TBC1D22A: variants seen among roughly 807,000 people sequenced by gnomAD.
TBC1D22A encodes the protein putative GTPase activator.
TBC1D22A carries 38 observed loss-of-function variants against 60.2 expected under a neutral mutation model. The observed-to-expected ratio is 0.63, with a 90% CI of 0.49 to 0.83. TBC1D22A has a LOEUF of 0.83. Ranked by LOEUF, TBC1D22A falls within the 40% of genes least tolerant of loss-of-function variation. TBC1D22A has a pLI of 0.00. For synonymous variants in TBC1D22A, 302 were observed against 281.7 expected (o/e 1.07, Z -0.72); for missense variants, 628 against 701.0 (o/e 0.90, Z 1.18).
chr22:47,072,640 C>T (rs2064046170), intron 11 of TBC1D22A, among the ~76,000 whole-genome samples: 1 of 152,254 alleles, frequency 6.6e-6, no homozygotes, highest in Non-Finnish European at 1.5e-5. Flanking sequence ...CATCCCACAC[C>T]CTGTGCAGGG....
At chr22:46,952,526 G>A (rs776198791) in intron 8 of TBC1D22A, among the ~76,000 whole-genome samples, 1 of 152,088 alleles carries the variant, frequency 6.6e-6, no homozygotes, top group East Asian at 1.9e-4. Context: ...ATCAGTTTTG[G>A]GTGTGGGTGT....
rs1255209790 is a variant in TBC1D22A at position 47,160,614 on chromosome 22, A to G, written c.1426-12884A>G. Among the ~76,000 whole-genome samples, 4 of 152,234 alleles carry G rather than the reference A, an allele frequency of 2.6e-5. No individual in the cohort carries two copies. In the East Asian group the frequency reaches 7.7e-4, roughly 29 times the overall value. On this transcript the variant is annotated intron_variant, in intron 12 of 12. Transcript: ENST00000337137. ...GACCACATGCTGGATTGAATATGAAAGTACAGGGGTCTTCGCTGGAGCCGT... is the reference window on the plus strand; with the variant it reads ...GACCACATGCTGGATTGAATATGAAGGTACAGGGGTCTTCGCTGGAGCCGT...
chr22:47,039,911 A>G (rs896490312), intron 11 of TBC1D22A, among the ~76,000 whole-genome samples: 1 of 143,914 alleles, frequency 6.9e-6, no homozygotes, highest in Non-Finnish European at 1.5e-5. Context: ...GAGCAGGAGC[A>G]AGGCGTCGGG....
rs368427144 is a variant in TBC1D22A, at chr22:46,905,594, C to T, written c.901-6480C>T. On this transcript the variant is annotated intron_variant, in intron 7 of 12. Transcript: ENST00000337137. ...GGAAGAGAAGCCTGCGGTCGGTTGG[C>T]GGGTGGGGGACAGGCGGGGCCTCTG... 5.6e-4 allele frequency among the ~76,000 whole-genome samples: 85 copies of T among 152,258 alleles called. 2 individuals are homozygous for T. In the South Asian group the frequency reaches 0.016, roughly 28 times the overall value.
intron 9 of TBC1D22A, among the ~76,000 whole-genome samples, chr22:46,974,824 G>A (rs2148132758): frequency 6.6e-6 from 1 of 152,368 alleles, no homozygotes; most frequent in South Asian, 2.1e-4. Flanking sequence ...TGCAGTATTG[G>A]TGGCCAGGGC....
rs138005894 is a variant in TBC1D22A at position 46,857,919 on chromosome 22, T to C, written c.638-20734T>C. On this transcript the variant is annotated intron_variant, in intron 4 of 12. Coordinates refer to ENST00000337137, the MANE Select transcript of TBC1D22A (RefSeq NM_014346.5). ...GGGTGTTTCCACTTTTTGACAGTTA[T>C]GCAGACTGCTGCTATGGACATTCAT... Among the ~76,000 whole-genome samples the C allele has an allele frequency of 7.4e-4, 113 of 152,344 alleles. 4 individuals are homozygous for C. In the East Asian group the frequency reaches 0.019, roughly 25 times the overall value.
intron 4 of TBC1D22A, among the ~76,000 whole-genome samples, chr22:46,854,755 C>T (rs1292177178): frequency 1.3e-5 from 2 of 152,148 alleles, no homozygotes; most frequent in South Asian, 2.1e-4. Context: ...TTGACCTCTG[C>T]TTTTACAGCT....
intron 4 of TBC1D22A, among the ~76,000 whole-genome samples, chr22:46,866,671 C>A (rs1365248122): frequency 6.6e-6 from 1 of 152,214 alleles, no homozygotes; most frequent in East Asian, 1.9e-4. Context: ...AAGCTGATGC[C>A]TGAACAAGTC....
At chr22:47,022,929 TA>T (rs1229005471) in intron 10 of TBC1D22A, among the ~76,000 whole-genome samples, 2 of 152,086 alleles carry the variant, frequency 1.3e-5, no homozygotes, top group Admixed American at 1.3e-4. Flanking sequence ...TTTATAGGAA[TA>T]AAAAAATATC....
At chr22:46,931,581 G>A (rs1447839058) in intron 8 of TBC1D22A, among the ~76,000 whole-genome samples, 6 of 152,338 alleles carry the variant, frequency 3.9e-5, no homozygotes, top group South Asian at 2.1e-4. Flanking sequence ...GTCGGCCACA[G>A]CCAGCAGAGG....
chr22:46,868,327 C>T (rs544120131), intron 4 of TBC1D22A, among the ~76,000 whole-genome samples: 6 of 152,162 alleles, frequency 3.9e-5, no homozygotes, highest in South Asian at 2.1e-4. Context: ...TTTTGTTTCA[C>T]GGGCAAAATT....
chr22:46,861,077 C>T (rs1387316673), intron 4 of TBC1D22A, among the ~76,000 whole-genome samples: 1 of 152,118 alleles, frequency 6.6e-6, no homozygotes, highest in Non-Finnish European at 1.5e-5. Context: ...CCTATCTCAG[C>T]CTCCCGAGTA....
chr22:46,920,107 G>A (rs1036447583), intron 8 of TBC1D22A, among the ~76,000 whole-genome samples: 7 of 152,178 alleles, frequency 4.6e-5, no homozygotes, highest in African/African-American at 9.7e-5. Context: ...GAGAGACAGA[G>A]TGTTGCTCTA....
intron 8 of TBC1D22A, chr22:46,913,699 AAGG>A: frequency 1.0e-6 from 1 of 985,420 alleles, no homozygotes; most frequent in Non-Finnish European, 1.2e-6. Context: ...TGTTAATTGA[AAGG>A]AGAAGTTCAA....
intron 12 of TBC1D22A, among the ~76,000 whole-genome samples, chr22:47,166,153 G>A (rs551954897): frequency 2.4e-4 from 37 of 152,266 alleles, no homozygotes; most frequent in African/African-American, 2.4e-5. Context: ...GCCACTGCAC[G>A]CACAGCCCTT....
At chr22:47,120,252 T>C (rs1297715490) in intron 12 of TBC1D22A, among the ~76,000 whole-genome samples, 1 of 152,160 alleles carries the variant, frequency 6.6e-6, no homozygotes, top group Non-Finnish European at 1.5e-5. Flanking sequence ...GAACTAAAAT[T>C]AATACTTTAT....
At chr22:46,836,381 TGTTAA>T (rs1175416504) in intron 4 of TBC1D22A, among the ~76,000 whole-genome samples, 8 of 152,210 alleles carry the variant, frequency 5.3e-5, no homozygotes, top group Non-Finnish European at 7.4e-5. Context: ...GTGCGATTGA[TGTTAA>T]GTTGTTATCA....
intron 12 of TBC1D22A, among the ~76,000 whole-genome samples, chr22:47,119,498 A>ATT (rs112201242): frequency 0.021 from 2,994 of 142,430 alleles, 114 homozygotes; most frequent in African/African-American, 0.071. Context: ...AGACTGGGTA[A>ATT]TTTTTTTTTT....
At chr22:46,963,360 C>A (rs2073628336) in intron 8 of TBC1D22A, among the ~76,000 whole-genome samples, 1 of 152,220 alleles carries the variant, frequency 6.6e-6, no homozygotes, top group African/African-American at 2.4e-5. Context: ...ACACTGCCTG[C>A]CCTGGGTCCC....
Sources: gnomAD v4.1 joint callset for allele counts (sites outside exome capture counted in the v4.1 genomes callset) on GRCh38, gnomAD v4.1.1 for gene constraint, MANE v1.5 for transcripts, NCBI Gene and HGNC (gene_info 2026-07-23, HGNC 2026-07-21) for gene names.